Variants in RASAL2 observed in about 807,000 individuals in gnomAD.
RASAL2 encodes ras GTPase-activating protein nGAP.
Under a neutral mutation model 128.9 loss-of-function variants are expected in RASAL2, and 58 were observed. That is an observed-to-expected ratio of 0.45 (90% CI 0.36 to 0.56). The LOEUF (loss-of-function observed/expected upper bound fraction) is 0.56. Among genes scored for constraint, RASAL2 ranks in the 20% least tolerant of loss-of-function variants. The pLI is 0.00. For missense variants in RASAL2, 1,360 were observed against 1,601.6 expected (o/e 0.85, Z 2.57); for synonymous variants, 561 against 580.8 (o/e 0.97, Z 0.49).
chr1:178,454,400 A>G (rs748381939), intron 11 of RASAL2, 47 bp from the exon 12 acceptor site: 3 of 1,448,224 alleles, frequency 2.1e-6, no homozygotes, highest in Non-Finnish European at 2.9e-6. Flanking sequence ...AAATGATCAT[A>G]TCTCTCTTGA....
chr1:178,282,135 T>C (rs920699509), intron 1 of RASAL2, among the ~76,000 whole-genome samples: 3 of 151,858 alleles, frequency 2.0e-5, no homozygotes, highest in African/African-American at 7.3e-5. Flanking sequence ...AAACAGAAAA[T>C]AAGGGAAGAA....
rs557495894 is a variant in RASAL2, at chr1:178,162,121, C to G, written c.202+67427C>G. ...CTGGGACTACAGGCACCTGCCACCA[C>G]GCCTGGCTAATTTTTTGTATTTTTT... is the stretch of plus-strand genomic sequence containing the variant. On this transcript the variant is annotated intron_variant, in intron 1 of 17. Coordinates refer to ENST00000367649, the MANE Select transcript of RASAL2 (RefSeq NM_170692.4). Among the ~76,000 whole-genome samples the G allele has an allele frequency of 6.1e-3, 905 of 149,444 alleles. 6 individuals are homozygous for G. Among genetic ancestry groups the G allele is most frequent in the Non-Finnish European group, 9.6e-3 (649 of 67,392 alleles).
intron 1 of RASAL2, among the ~76,000 whole-genome samples, chr1:178,236,057 T>G (rs1340683798): frequency 6.6e-6 from 1 of 152,104 alleles, no homozygotes; most frequent in Non-Finnish European, 1.5e-5. Context: ...CCTACCAGTA[T>G]TTTTTTAATG....
At chr1:178,197,349 A>T (rs1376961420) in intron 1 of RASAL2, among the ~76,000 whole-genome samples, 1 of 152,066 alleles carries the variant, frequency 6.6e-6, no homozygotes, top group African/African-American at 2.4e-5. Flanking sequence ...CTAGCTACTC[A>T]GGAGATGGGC....
intron 1 of RASAL2, among the ~76,000 whole-genome samples, chr1:178,112,907 A>G (rs1455168789): frequency 1.3e-5 from 2 of 152,130 alleles, no homozygotes; most frequent in African/African-American, 2.4e-5. Flanking sequence ...CTTAAAGTAT[A>G]ATAGTAAAAG....
intron 2 of RASAL2, among the ~76,000 whole-genome samples, chr1:178,287,242 G>A (rs113035949): frequency 0.01 from 1,525 of 151,556 alleles, 22 homozygotes; most frequent in African/African-American, 0.035. Context: ...CACATACCAT[G>A]CTGCCTGGTG....
chr1:178,202,840 G>C (rs1056210167), intron 1 of RASAL2, among the ~76,000 whole-genome samples: 3 of 152,208 alleles, frequency 2.0e-5, no homozygotes, highest in African/African-American at 4.8e-5. Flanking sequence ...CCAGCCACCT[G>C]TGTCATTGCC....
At chr1:178,348,472 AT>A (rs1363743969) in intron 3 of RASAL2, among the ~76,000 whole-genome samples, 2 of 151,844 alleles carry the variant, frequency 1.3e-5, no homozygotes, top group African/African-American at 4.8e-5. Context: ...TTTTAAAATT[AT>A]TTTTTTGTAA....
chr1:178,160,965 A>G (rs754608859), intron 1 of RASAL2, among the ~76,000 whole-genome samples: 2 of 152,094 alleles, frequency 1.3e-5, no homozygotes, highest in South Asian at 2.1e-4. Flanking sequence ...TACAAACTCC[A>G]TTTTCCATCT....
chr1:178,466,953 C>T (rs943207424), intron 16 of RASAL2, among the ~76,000 whole-genome samples: 1 of 152,138 alleles, frequency 6.6e-6, no homozygotes, highest in African/African-American at 2.4e-5. Context: ...ATAGAGTACT[C>T]ATTGAGGAAA....
chr1:178,265,561 T>A (rs1379788526), intron 1 of RASAL2, among the ~76,000 whole-genome samples: 1 of 152,244 alleles, frequency 6.6e-6, no homozygotes, highest in Non-Finnish European at 1.5e-5. Flanking sequence ...TCCCTATTCA[T>A]AGATGAGGAG....
intron 1 of RASAL2, among the ~76,000 whole-genome samples, chr1:178,095,967 T>C (rs1467467628): frequency 6.6e-6 from 1 of 152,230 alleles, no homozygotes; most frequent in East Asian, 1.9e-4. Flanking sequence ...TAAGGATTTG[T>C]GTACCACTTT....
At chr1:178,465,804 AAAAAAAG>A (rs892014811) in intron 15 of RASAL2, 109 bp from the exon 16 acceptor site, 27 of 1,025,428 alleles carry the variant, frequency 2.6e-5, no homozygotes, top group Middle Eastern at 2.5e-4. Flanking sequence ...TCTTTTGTTA[AAAAAAAG>A]AAAAAAGAAA....
At chr1:178,369,560 C>T (rs1254973716) in intron 3 of RASAL2, among the ~76,000 whole-genome samples, 1 of 152,114 alleles carries the variant, frequency 6.6e-6, no homozygotes, top group Admixed American at 6.6e-5. Context: ...ATACAGAAGG[C>T]AAATTCATAG....
chr1:178,114,812 G>A (rs1306426519), intron 1 of RASAL2, among the ~76,000 whole-genome samples: 1 of 152,212 alleles, frequency 6.6e-6, no homozygotes, highest in Non-Finnish European at 1.5e-5. Context: ...GTGAGCCACT[G>A]CGCCCAGCCA....
chr1:178,423,735 T>C (rs1007119289), intron 5 of RASAL2, among the ~76,000 whole-genome samples: 1 of 152,178 alleles, frequency 6.6e-6, no homozygotes, highest in Non-Finnish European at 1.5e-5. Context: ...TTCTTTGTTT[T>C]AATTTGTATT....
chr1:178,354,628 G>A (rs959836911), intron 3 of RASAL2, among the ~76,000 whole-genome samples: 2 of 152,174 alleles, frequency 1.3e-5, no homozygotes, highest in African/African-American at 2.4e-5. Flanking sequence ...CAAGTTGCTA[G>A]ATAACAAGAT....
intron 1 of RASAL2, among the ~76,000 whole-genome samples, chr1:178,200,991 C>T: frequency 6.6e-6 from 1 of 152,190 alleles, no homozygotes; most frequent in Non-Finnish European, 1.5e-5. Flanking sequence ...ACCCTGTGAG[C>T]TTCTAGACCT....
At chr1:178,200,463 G>T (rs1662825465) in intron 1 of RASAL2, among the ~76,000 whole-genome samples, 1 of 152,154 alleles carries the variant, frequency 6.6e-6, no homozygotes, top group Non-Finnish European at 1.5e-5. Flanking sequence ...TAATGAAGTT[G>T]GTTAGTTGCT....
Sources: allele counts gnomAD v4.1 joint callset (sites outside exome capture counted in the v4.1 genomes callset), GRCh38; gene constraint gnomAD v4.1.1; transcripts MANE v1.5; gene names NCBI Gene and HGNC (gene_info 2026-07-23, HGNC 2026-07-21).